The following BTBD9 variants were observed in gnomAD, a reference collection of about 807,000 sequenced individuals.
BTBD9 encodes the protein BTB domain containing 9, also known as BTB/POZ domain-containing protein 9.
BTBD9 carries 49 observed loss-of-function variants against 64.3 expected under a neutral mutation model. That is an observed-to-expected ratio of 0.76 (90% CI 0.61 to 0.97). The LOEUF is 0.97. Among genes scored for constraint, BTBD9 ranks in the 50% least tolerant of loss-of-function variants. BTBD9 has a pLI of 0.00. For missense variants in BTBD9, 598 were observed against 762.1 expected (o/e 0.78, Z 2.53); for synonymous variants, 260 against 274.7 (o/e 0.95, Z 0.53).
intron 8 of BTBD9, among the ~76,000 whole-genome samples, chr6:38,262,270 G>A (rs1330047534): frequency 6.6e-6 from 1 of 152,168 alleles, no homozygotes; most frequent in Non-Finnish European, 1.5e-5. Flanking sequence ...TAGATCAGAA[G>A]CCATTTTCAA....
intron 6 of BTBD9, among the ~76,000 whole-genome samples, chr6:38,508,214 G>A (rs1763995007): frequency 6.6e-6 from 1 of 152,096 alleles, no homozygotes; most frequent in Non-Finnish European, 1.5e-5. Flanking sequence ...ACTCTATTTA[G>A]ATGTCTTTTT....
At position 38,186,535 on chromosome 6, in the gene BTBD9, T is replaced by C. The variant is rs143922097; in HGVS notation, c.1641+5984A>G. On this transcript the variant is annotated intron_variant, in intron 10 of 10. Transcript: ENST00000481247. ...TTTACTACATCTTTTCCTTTATTGC[T>C]TTCTTTGACTGACTGACTGGGAGAG... Among the ~76,000 whole-genome samples the C allele has an allele frequency of 1.1e-3, 168 of 152,294 alleles. 1 individual carries two copies. The highest frequency in any genetic ancestry group is 3.9e-3 in the African/African-American group (162 of 41,564).
intron 6 of BTBD9, among the ~76,000 whole-genome samples, chr6:38,480,031 G>A (rs1056968305): frequency 2.0e-5 from 3 of 152,122 alleles, no homozygotes; most frequent in African/African-American, 7.2e-5. Context: ...GCCCAGATGA[G>A]CACTAAAATC....
At chr6:38,520,670 T>C (rs1773234660) in intron 6 of BTBD9, among the ~76,000 whole-genome samples, 1 of 151,662 alleles carries the variant, frequency 6.6e-6, no homozygotes, top group Admixed American at 6.6e-5. Context: ...TGGTGGCTCA[T>C]GCCTGTAATC....
At chr6:38,609,796 C>A (rs1238513194) in intron 1 of BTBD9, among the ~76,000 whole-genome samples, 1 of 152,164 alleles carries the variant, frequency 6.6e-6, no homozygotes, top group Non-Finnish European at 1.5e-5. Flanking sequence ...AAATATGCAT[C>A]AAGGTTGATC....
intron 6 of BTBD9, among the ~76,000 whole-genome samples, chr6:38,379,137 G>A (rs1234567607): frequency 6.6e-6 from 1 of 152,206 alleles, no homozygotes; most frequent in Non-Finnish European, 1.5e-5. Context: ...CAGGCCACAT[G>A]TAGGCTTGGG....
rs949233762 is a variant in BTBD9 at position 38,592,463 on chromosome 6, G to A, written c.814+113C>T. ...TTCCATAGGCTAGCTGTTTATAAAC[G>A]TACATATTTCATGTACACCTGCACT... On this transcript the variant is annotated intron_variant, in intron 4 of 10. Transcript: ENST00000481247. 36 of 1,145,240 alleles carry A rather than the reference G, an allele frequency of 3.1e-5. No homozygotes were observed. In the East Asian group the frequency reaches 6.6e-4, roughly 21 times the overall value. 70.9% of individuals were successfully genotyped at this position (1,145,240 alleles called of 1,614,324 possible).
intron 9 of BTBD9, among the ~76,000 whole-genome samples, chr6:38,233,499 C>G (rs569311568): frequency 4.6e-4 from 70 of 152,340 alleles, no homozygotes; most frequent in Admixed American, 1.8e-3. Context: ...TATGCCCATT[C>G]TACTGCATCC....
Position 38,388,642 on chromosome 6 carries a change from A to G in BTBD9, c.1155-43549T>C, listed in dbSNP as rs188551929. On this transcript the variant is annotated intron_variant, in intron 6 of 10. Coordinates refer to ENST00000481247, the MANE Select transcript of BTBD9 (RefSeq NM_001099272.2). ...TGAATTTAGTGTGTTTATAGATTCA[A>G]TATGGCCATTTTCAAATGAACTGTG... is the stretch of plus-strand genomic sequence containing the variant. Among the ~76,000 whole-genome samples the G allele has an allele frequency of 6.6e-5, 10 of 152,356 alleles. No individual in the cohort carries two copies. In the East Asian group the frequency reaches 1.9e-3, roughly 29 times the overall value.
At chr6:38,609,226 C>T (rs1777532366) in intron 1 of BTBD9, among the ~76,000 whole-genome samples, 1 of 152,098 alleles carries the variant, frequency 6.6e-6, no homozygotes, top group African/African-American at 2.4e-5. Flanking sequence ...AAAAACTAGC[C>T]AGGCATGGTA....
chr6:38,558,570 TTGA>T (rs1229709623), intron 6 of BTBD9, among the ~76,000 whole-genome samples: 2 of 152,202 alleles, frequency 1.3e-5, no homozygotes, highest in Non-Finnish European at 1.5e-5. Flanking sequence ...GTATGTTCTT[TTGA>T]TGCCTAGTTT....
chr6:38,525,451 G>C (rs746679371), intron 6 of BTBD9, among the ~76,000 whole-genome samples: 16 of 152,178 alleles, frequency 1.1e-4, no homozygotes, highest in Admixed American at 3.3e-4. Flanking sequence ...TGGTACCAAG[G>C]TAGTGGTGTA....
chr6:38,531,431 G>T (rs1264565572), intron 6 of BTBD9, among the ~76,000 whole-genome samples: 2 of 152,112 alleles, frequency 1.3e-5, no homozygotes, highest in Non-Finnish European at 2.9e-5. Flanking sequence ...ATTTCCTACA[G>T]GAAATGCTAA....
chr6:38,451,788 A>G (rs1769565391), intron 6 of BTBD9, among the ~76,000 whole-genome samples: 1 of 152,146 alleles, frequency 6.6e-6, no homozygotes, highest in Non-Finnish European at 1.5e-5. Context: ...CTGAAAAGTA[A>G]CCATCAAATT....
At chr6:38,604,291 G>A (rs1258813470) in intron 1 of BTBD9, among the ~76,000 whole-genome samples, 2 of 152,050 alleles carry the variant, frequency 1.3e-5, no homozygotes, top group African/African-American at 4.8e-5. Flanking sequence ...GTAAATAAAT[G>A]TTTATAAATA....
At chr6:38,556,479 C>T (rs902185403) in intron 6 of BTBD9, among the ~76,000 whole-genome samples, 4 of 148,490 alleles carry the variant, frequency 2.7e-5, no homozygotes, top group African/African-American at 2.5e-5. Flanking sequence ...ATATAGCAAG[C>T]ATATGGATAT....
At chr6:38,185,538 T>G (rs1287463883) in intron 10 of BTBD9, among the ~76,000 whole-genome samples, 1 of 152,180 alleles carries the variant, frequency 6.6e-6, no homozygotes, top group African/African-American at 2.4e-5. Context: ...CACTCAAGAC[T>G]GGGTTGATCT....
At chr6:38,298,515 C>T in intron 7 of BTBD9, among the ~76,000 whole-genome samples, 1 of 152,102 alleles carries the variant, frequency 6.6e-6, no homozygotes, top group East Asian at 1.9e-4. Flanking sequence ...CATCTCATGT[C>T]CTCTCTTTAA....
chr6:38,367,549 G>A (rs1420804774), intron 6 of BTBD9, among the ~76,000 whole-genome samples: 2 of 151,944 alleles, frequency 1.3e-5, no homozygotes, highest in Non-Finnish European at 1.5e-5. Flanking sequence ...TGCAGTGAGG[G>A]CTCAATAATT....
Sources: gnomAD v4.1 joint callset for allele counts (sites outside exome capture counted in the v4.1 genomes callset) on GRCh38, gnomAD v4.1.1 for gene constraint, MANE v1.5 for transcripts, NCBI Gene and HGNC (gene_info 2026-07-23, HGNC 2026-07-21) for gene names.